SRP54: variants seen among roughly 807,000 people sequenced by gnomAD.
SRP54 encodes signal recognition particle subunit SRP54.
In SRP54, 10 loss-of-function variants were observed where a neutral mutation model predicts 64.8. The ratio of observed to expected loss-of-function variants is 0.15; its 90% CI spans 0.10 to 0.26. SRP54 has a LOEUF of 0.26. SRP54 is among the 10% of genes least tolerant of loss of function. SRP54 has a pLI of 1.00. For synonymous variants in SRP54, 193 were observed against 185.6 expected (o/e 1.04, Z -0.32); for missense variants, 325 against 613.7 (o/e 0.53, Z 4.97).
At chr14:35,022,649 C>T (rs999682270) in intron 13 of SRP54, among the ~76,000 whole-genome samples, 9 of 152,206 alleles carry the variant, frequency 5.9e-5, no homozygotes, top group Admixed American at 5.9e-4. Flanking sequence ...GCCACCACGC[C>T]TGGCCTCCAT....
Position 34,992,435 on chromosome 14 carries a change from A to AT in SRP54, c.-33-4241dup, listed in dbSNP as rs763641776. Reference sequence around the variant, plus strand: ...CCAGTTAACATGGAAAGTTAGATTTATATTTAAGAATTTACTAGGCAGCCA... The same window carrying AT: ...CCAGTTAACATGGAAAGTTAGATTTATTATTTAAGAATTTACTAGGCAGCCA... On this transcript the variant is annotated intron_variant, in intron 1 of 15. Coordinates refer to ENST00000216774, the MANE Select transcript of SRP54 (RefSeq NM_003136.4). Among the ~76,000 whole-genome samples the AT allele has an allele frequency of 1.2e-3, 190 of 152,312 alleles. 1 individual carries two copies. Among genetic ancestry groups the AT allele is most frequent in the Non-Finnish European group, 2.1e-3 (142 of 68,022 alleles).
At position 35,023,682 on chromosome 14, in the gene SRP54, G is replaced by A. The variant is rs546225267; in HGVS notation, c.1327+602G>A. On this transcript the variant is annotated intron_variant, in intron 14 of 15. Transcript: ENST00000216774. The stretch of plus-strand genomic sequence containing the variant: ...ACCTGTTATCCCAGCTACTCGGGAG[G>A]CTGAGGCAGGAGAATCACTTGAACC... 2.5e-3 allele frequency among the ~76,000 whole-genome samples: 386 copies of A among 151,860 alleles called. 1 individual carries two copies. Among genetic ancestry groups the A allele is most frequent in the African/African-American group, 8.3e-3 (344 of 41,430 alleles).
intron 2 of SRP54, among the ~76,000 whole-genome samples, chr14:34,998,599 G>T (rs1343926373): frequency 6.6e-6 from 1 of 151,990 alleles, no homozygotes; most frequent in Non-Finnish European, 1.5e-5. Flanking sequence ...ATCACCTGAG[G>T]TCAGGAGTTT....
At chr14:34,988,599 T>TATATATATAACATATATATATAAC (rs1555352784) in intron 1 of SRP54, among the ~76,000 whole-genome samples, 3 of 103,534 alleles carry the variant, frequency 2.9e-5, no homozygotes, top group Non-Finnish European at 6.6e-5. Flanking sequence ...ATATATAACA[T>TATATATATAACATATATATATAAC]ATATATATAT....
At position 35,023,025 on chromosome 14, in the gene SRP54, T is replaced by C; in HGVS notation, c.1272T>C (p.Tyr424=). The C allele has an allele frequency of 6.2e-7, 1 of 1,613,902 alleles. No individual in the cohort carries two copies. Among genetic ancestry groups the C allele is most frequent in the Non-Finnish European group, 8.5e-7 (1 of 1,179,918 alleles). Residue 424 remains tyrosine (Y), a synonymous_variant, in exon 14 of 16, where the codon TAT becomes TAC. Coordinates refer to ENST00000216774, the MANE Select transcript of SRP54 (RefSeq NM_003136.4). ...ATGTTCAAGAACTTTTGACACAATA[T>C]ACCAAGTTTGCACAGATGGTAAAAA... ...TRDVQELLTQ[Y]TKFAQMVKKM... is the part of the protein sequence containing the mutation.
Position 34,993,870 on chromosome 14 carries a change from T to C in SRP54, c.-33-2807T>C, listed in dbSNP as rs2044022762. ...GCCACCATACCTGGCTAATTTTGTA[T>C]TTTTAGTAGAGACGGGGTTTCTCCA... On this transcript the variant is annotated intron_variant, in intron 1 of 15. Coordinates refer to ENST00000216774, the MANE Select transcript of SRP54 (RefSeq NM_003136.4). Among the ~76,000 whole-genome samples, 5 of 152,066 alleles carry C rather than the reference T, an allele frequency of 3.3e-5. No individual in the cohort carries two copies. The South Asian group carries it at 1.0e-3, about 32-fold the overall frequency.
At chr14:34,987,766 T>C (rs1010119514) in intron 1 of SRP54, among the ~76,000 whole-genome samples, 1 of 152,180 alleles carries the variant, frequency 6.6e-6, no homozygotes, top group South Asian at 2.1e-4. Context: ...TTGGATGATA[T>C]CTTATTAAGA....
intron 8 of SRP54, among the ~76,000 whole-genome samples, chr14:35,012,694 C>G (rs1475246152): frequency 6.6e-6 from 1 of 152,136 alleles, no homozygotes; most frequent in Non-Finnish European, 1.5e-5. Flanking sequence ...GAGGCCTTCC[C>G]TGACTACCTT....
chr14:35,028,337 G>A (rs978347230), intron 15 of SRP54, among the ~76,000 whole-genome samples, 154 bp downstream of exon 15: 1 of 152,184 alleles, frequency 6.6e-6, no homozygotes, highest in Non-Finnish European at 1.5e-5. Context: ...GAATTCAATT[G>A]TAATAGGGCT....
intron 11 of SRP54, among the ~76,000 whole-genome samples, chr14:35,018,015 G>A (rs1349620134): frequency 3.3e-5 from 5 of 151,992 alleles, no homozygotes; most frequent in African/African-American, 7.2e-5. Context: ...TGAGGCAGGC[G>A]GTCACTTGAG....
chr14:35,013,670 C>A, intron 9 of SRP54, 132 bp from the exon 10 acceptor site: 2 of 1,082,166 alleles, frequency 1.8e-6, no homozygotes, highest in Non-Finnish European at 2.6e-6. Flanking sequence ...TCTATTATAA[C>A]TTGTGAAATG....
chr14:34,992,202 G>A (rs1178245154), intron 1 of SRP54, among the ~76,000 whole-genome samples: 1 of 152,052 alleles, frequency 6.6e-6, no homozygotes, highest in African/African-American at 2.4e-5. Context: ...CAAAGTGCTG[G>A]GATTACAGGC....
intron 1 of SRP54, among the ~76,000 whole-genome samples, chr14:34,991,349 C>T (rs571742396): frequency 1.4e-4 from 21 of 151,720 alleles, no homozygotes; most frequent in African/African-American, 4.3e-4. Flanking sequence ...AGGCTGGTCT[C>T]GAACTCCTGA....
At position 34,988,560 on chromosome 14, in the gene SRP54, C is replaced by CAAA. The variant is rs1160365086; in HGVS notation, c.-34+5362_-34+5364dup. Among the ~76,000 whole-genome samples the CAAA allele has an allele frequency of 1.9e-3, 49 of 26,332 alleles. 2 individuals carry two copies. Among genetic ancestry groups the CAAA allele is most frequent in the Admixed American group, 3.2e-3 (8 of 2,510 alleles). 17.3% of individuals were successfully genotyped at this position (26,332 alleles called of 152,430 possible). The stretch of plus-strand genomic sequence containing the variant: ...CTGGCGACAGAGTGAGACTCCATCT[C>CAAA]AAAAAAAAAAAAAAAAAAATATATA... On this transcript the variant is annotated intron_variant, in intron 1 of 15. Transcript: ENST00000216774.
At chr14:34,984,292 C>CG (rs2043858663) in intron 1 of SRP54, among the ~76,000 whole-genome samples, 3 of 152,046 alleles carry the variant, frequency 2.0e-5, no homozygotes, top group African/African-American at 7.2e-5. Context: ...TTGATTTTCT[C>CG]CTATGTGCCA....
At chr14:34,996,845 G>C in intron 2 of SRP54, 58 bp downstream of exon 2, 5 of 1,217,268 alleles carry the variant, frequency 4.1e-6, no homozygotes, top group Non-Finnish European at 4.9e-6. Context: ...GCATTGGGAA[G>C]ATGGCTTATT....
chr14:35,004,130 A>G (rs1450489440), intron 4 of SRP54, among the ~76,000 whole-genome samples: 1 of 152,078 alleles, frequency 6.6e-6, no homozygotes, highest in Non-Finnish European at 1.5e-5. Context: ...CATGCCTGTA[A>G]TCCCAGCTAC....
chr14:35,008,595 G>A, intron 5 of SRP54, 32 bp from the exon 6 acceptor site: 1 of 1,383,476 alleles, frequency 7.2e-7, no homozygotes, highest in Non-Finnish European at 9.7e-7. Context: ...TATATTTTAT[G>A]ATATTATATT....
chr14:35,013,974 T>C (rs1448453705), intron 10 of SRP54, 72 bp downstream of exon 10: 10 of 1,105,218 alleles, frequency 9.0e-6, no homozygotes, highest in African/African-American at 1.6e-5. Context: ...AATAGGATTT[T>C]AATTCTGTCC....
Sources: gnomAD v4.1 joint callset for allele counts (sites outside exome capture counted in the v4.1 genomes callset) on GRCh38, gnomAD v4.1.1 for gene constraint, MANE v1.5 for transcripts, NCBI Gene and HGNC (gene_info 2026-07-23, HGNC 2026-07-21) for gene names.